Variants in LDHD observed in about 807,000 individuals in gnomAD.
LDHD encodes D-lactate dehydrogenase, mitochondrial.
In LDHD, 58 loss-of-function variants were observed where a neutral mutation model predicts 52.9. The observed-to-expected ratio is 1.10, with a 90% confidence interval of 0.89 to 1.36. The LOEUF (loss-of-function observed/expected upper bound fraction) is 1.36. Among genes scored for constraint, LDHD ranks in the 40% most tolerant of loss-of-function variants. LDHD has a pLI of 0.00. For synonymous variants in LDHD, 350 were observed against 288.6 expected (o/e 1.21, Z -2.16); for missense variants, 747 against 668.0 (o/e 1.12, Z -1.30).
chr16:75,113,422 C>G, intron 8 of LDHD, 113 bp downstream of exon 8: 1 of 1,338,498 alleles, frequency 7.5e-7, no homozygotes, highest in Non-Finnish European at 1.0e-6. Flanking sequence ...CTCAGCCAGG[C>G]CCAGCCCCGT....
In LDHD at chr16:75,115,643, G is replaced by A; in HGVS notation, c.90C>T (p.Asp30=). Residue 30 remains aspartate, a synonymous_variant, in exon 2 of 11, where the codon GAC becomes GAT. Transcript: ENST00000450168. ...SQKAKGELCR[D]FVEALKAVVG... is the part of the protein sequence containing the mutation. ...CCACGGCCTTCAGAGCCTCTACGAA[G>A]TCCCTGCAGAGCTCTCCCTGCAGGG... 1 of 1,609,264 alleles carries A rather than the reference G, an allele frequency of 6.2e-7. No homozygotes were observed. The highest frequency in any genetic ancestry group is 8.5e-7 in the Non-Finnish European group (1 of 1,177,812).
chr16:75,112,646 G>A lies in LDHD; in HGVS notation c.1245C>T (p.Ala415=), dbSNP rs768095187. 5.6e-6 allele frequency: 9 copies of A among 1,613,994 alleles called. No homozygotes were observed. The highest frequency in any genetic ancestry group is 6.8e-6 in the Non-Finnish European group (8 of 1,180,034). The change falls in exon 10 of 11, where the codon GCC becomes GCT. Residue 415 remains alanine, a synonymous_variant. Coordinates refer to ENST00000450168, the MANE Select transcript of LDHD (RefSeq NM_194436.3). Reference sequence around the variant, plus strand: ...AAGCCTTGACCCTGCCCAGTTCCTCGGCGTCATCAGGGTTGACCAGCAGGA... The same window carrying A: ...AAGCCTTGACCCTGCCCAGTTCCTCAGCGTCATCAGGGTTGACCAGCAGGA... ...HCILLVNPDD[A]EELGRVKAFA... is the part of the protein sequence containing the mutation.
At chr16:75,114,350 A>G in intron 5 of LDHD, 176 bp downstream of exon 5, 1 of 1,428,398 alleles carries the variant, frequency 7.0e-7, no homozygotes, top group Non-Finnish European at 9.4e-7. Flanking sequence ...AGGCAGGGAG[A>G]GCAAACCCTG....
At position 75,114,694 on chromosome 16, in the gene LDHD, C is replaced by A; in HGVS notation, c.470-9G>T. The A allele has an allele frequency of 6.5e-7, 1 of 1,532,786 alleles. No homozygotes were observed. 94.9% of individuals were successfully genotyped at this position (1,532,786 alleles called of 1,614,324 possible). A position where few individuals can be genotyped will look rare whatever the true frequency, so the allele number is the denominator to read the frequency against. On this transcript the variant is annotated splice_polypyrimidine_tract_variant and intron_variant, in intron 4 of 10. Coordinates refer to ENST00000450168, the MANE Select transcript of LDHD (RefSeq NM_194436.3). ...GGCGTCCGCGCCTGGGTCTGGAGGGCGGCGTACAGAAGGCAGCCTCAGGGA... is the reference window on the plus strand; with the variant it reads ...GGCGTCCGCGCCTGGGTCTGGAGGGAGGCGTACAGAAGGCAGCCTCAGGGA...
intron 2 of LDHD, 68 bp from the exon 3 acceptor site, chr16:75,115,407 G>C: frequency 6.2e-7 from 1 of 1,604,606 alleles, no homozygotes; most frequent in Non-Finnish European, 8.5e-7. Flanking sequence ...TGCAGGGCCT[G>C]AGGCTACAGC....
chr16:75,114,721 C>G, intron 4 of LDHD, 36 bp from the exon 5 acceptor site: 2 of 1,544,702 alleles, frequency 1.3e-6, no homozygotes, highest in East Asian at 2.4e-5. Context: ...CCTCAGGGAC[C>G]GGAGGTCCTT....
At chr16:75,115,436 A>G (rs2036527855) in intron 2 of LDHD, 97 bp from the exon 3 acceptor site, 2 of 1,589,342 alleles carry the variant, frequency 1.3e-6, no homozygotes, top group East Asian at 2.2e-5. Context: ...GGCAGAGAAC[A>G]TGCCAGAGCA....
In LDHD at chr16:75,112,344, C is replaced by T. The variant is rs1481137655; in HGVS notation, c.*12G>A. On this transcript the variant is annotated 3_prime_UTR_variant, in exon 11 of 11. Coordinates refer to ENST00000450168, the MANE Select transcript of LDHD (RefSeq NM_194436.3). ...AGTCAGGGAACTTGTGGGCTAAGTG[C>T]TCAGACCCCCTTCACAGCACTTTGC... The T allele has an allele frequency of 6.2e-7, 1 of 1,600,188 alleles. No individual in the cohort carries two copies. The highest frequency in any genetic ancestry group is 8.5e-7 in the Non-Finnish European group (1 of 1,170,400).
At chr16:75,114,503 G>A in intron 5 of LDHD, 23 bp downstream of exon 5, 2 of 1,490,080 alleles carry the variant, frequency 1.3e-6, no homozygotes, top group Non-Finnish European at 1.8e-6. Context: ...CCAGAGCCCG[G>A]GCCCCCCGCA....
Position 75,112,332 on chromosome 16 carries a change from G to C in LDHD, c.*24C>G. ...AACCGGCTCCGTAGTCAGGGAACTT[G>C]TGGGCTAAGTGCTCAGACCCCCTTC... is the stretch of plus-strand genomic sequence containing the variant. On this transcript the variant is annotated 3_prime_UTR_variant, in exon 11 of 11. Transcript: ENST00000450168. 1 of 1,583,236 alleles carries C rather than the reference G, an allele frequency of 6.3e-7. No homozygotes were observed. The highest frequency in any genetic ancestry group is 8.6e-7 in the Non-Finnish European group (1 of 1,159,308).
chr16:75,115,496 A>T, intron 2 of LDHD, 52 bp downstream of exon 2: 1 of 1,582,004 alleles, frequency 6.3e-7, no homozygotes, highest in Non-Finnish European at 8.7e-7. Context: ...CCTCTCTCTC[A>T]GCTGGGGTTG....
At chr16:75,115,682 C>A (rs779741355) in intron 1 of LDHD, 22 bp from the exon 2 acceptor site, 12 of 1,459,440 alleles carry the variant, frequency 8.2e-6, no homozygotes, top group Non-Finnish European at 1.1e-5. Context: ...AAACACACTG[C>A]CAGGGTCCCC....
In LDHD at chr16:75,114,516, G is replaced by A. The variant is rs1397607743; in HGVS notation, c.629+10C>T. Reference sequence around the variant, plus strand: ...GGCCAGAGCCCGGGCCCCCCGCAGAGGGCGCTCACCGGAAATGCCGGCCTC... The same window carrying A: ...GGCCAGAGCCCGGGCCCCCCGCAGAAGGCGCTCACCGGAAATGCCGGCCTC... On this transcript the variant is annotated intron_variant, in intron 5 of 10. Transcript: ENST00000450168. 3.3e-6 allele frequency: 5 copies of A among 1,509,362 alleles called. No homozygotes were observed. Among genetic ancestry groups the A allele is most frequent in the Non-Finnish European group, 3.5e-6 (4 of 1,132,784 alleles). The allele number at this position is 1,509,362 out of a possible 1,614,324, so 93.5% of individuals were successfully genotyped here.
intron 2 of LDHD, 28 bp from the exon 3 acceptor site, chr16:75,115,367 G>A (rs774984273): frequency 1.9e-6 from 3 of 1,611,894 alleles, no homozygotes; most frequent in African/African-American, 1.3e-5. Context: ...GCGATTTAGC[G>A]GGGCGTGACA....
chr16:75,113,488 T>C (rs779891180), intron 8 of LDHD, 47 bp downstream of exon 8: 1 of 1,560,832 alleles, frequency 6.4e-7, no homozygotes, highest in Admixed American at 1.9e-5. Flanking sequence ...AGGAAAGGGT[T>C]TGTGGGCCGA....
At chr16:75,113,086 G>A (rs895396402) in intron 8 of LDHD, among the ~76,000 whole-genome samples, 162 bp from the exon 9 acceptor site, 2 of 151,896 alleles carry the variant, frequency 1.3e-5, no homozygotes, top group Non-Finnish European at 2.9e-5. Context: ...ACCTCCCCCC[G>A]ACACAACACA....
At position 75,114,101 on chromosome 16, in the gene LDHD, T is replaced by G; in HGVS notation, c.694A>C (p.Ile232Leu). Reference protein sequence around the residue: ...FVGSEGTLGLITATTLRLHPA... With the variant: ...FVGSEGTLGLLTATTLRLHPA... ...TGCAGGCGCAGGGTGGTGGCTGTGA[T>G]GAGGCCCAGCGTCCCCTCGGAGCCC... Residue 232 changes from isoleucine (I) to leucine (L), a missense_variant, in exon 6 of 11, where the codon ATC (isoleucine) becomes CTC (leucine). Ile to Leu is a conservative substitution (Grantham distance 5). Coordinates refer to ENST00000450168, the MANE Select transcript of LDHD (RefSeq NM_194436.3). 2 of 1,612,206 alleles carry G rather than the reference T, an allele frequency of 1.2e-6. No individual in the cohort carries two copies. Among genetic ancestry groups the G allele is most frequent in the Non-Finnish European group, 1.7e-6 (2 of 1,179,968 alleles).
intron 5 of LDHD, 25 bp downstream of exon 5, chr16:75,114,501 C>T (rs1261461934): frequency 1.9e-5 from 28 of 1,487,126 alleles, no homozygotes; most frequent in Non-Finnish European, 1.9e-5. Context: ...GGCCAGAGCC[C>T]GGGCCCCCCG....
intron 1 of LDHD, among the ~76,000 whole-genome samples, chr16:75,116,290 G>T (rs992986337): frequency 2.0e-5 from 3 of 151,970 alleles, no homozygotes; most frequent in African/African-American, 7.3e-5. Flanking sequence ...GGGGCGGGGC[G>T]CGGCGGGGCG....
Sources: gnomAD v4.1 joint callset for allele counts (sites outside exome capture counted in the v4.1 genomes callset) on GRCh38, gnomAD v4.1.1 for gene constraint, MANE v1.5 for transcripts, NCBI Gene and HGNC (gene_info 2026-07-23, HGNC 2026-07-21) for gene names.